Variants in ANK3 observed in about 807,000 individuals in gnomAD.
ANK3 encodes the protein ankyrin 3, also known as ankyrin-3.
In ANK3, 57 loss-of-function variants were observed where a neutral mutation model predicts 370.9. The ratio of observed to expected loss-of-function variants is 0.15; its 90% CI spans 0.12 to 0.19. ANK3 has a LOEUF of 0.19. ANK3 is among the 10% of genes least tolerant of loss of function. The pLI is 1.00. For missense variants in ANK3, 4,439 were observed against 5,302.1 expected (o/e 0.84, Z 5.06); for synonymous variants, 1,929 against 1,946.3 (o/e 0.99, Z 0.23).
chr10:60,623,330 T>A (rs1428363746), intron 1 of ANK3, among the ~76,000 whole-genome samples: 1 of 152,108 alleles, frequency 6.6e-6, no homozygotes, highest in Admixed American at 6.6e-5. Context: ...CAAAAAGGAA[T>A]CAAATAAATC....
At chr10:60,253,459 A>G (rs1015092666) in intron 7 of ANK3, among the ~76,000 whole-genome samples, 5 of 152,248 alleles carry the variant, frequency 3.3e-5, no homozygotes, top group African/African-American at 1.2e-4. Context: ...AAGTATATAA[A>G]TGGACATCAG....
At chr10:60,696,271 A>G (rs1589041812) in intron 1 of ANK3, among the ~76,000 whole-genome samples, 1 of 149,776 alleles carries the variant, frequency 6.7e-6, no homozygotes, top group Non-Finnish European at 1.5e-5. Context: ...TAGCTTACCA[A>G]CCAAAAAGAG....
chr10:60,115,623 A>G (rs377644916), intron 25 of ANK3, among the ~76,000 whole-genome samples: 2 of 152,308 alleles, frequency 1.3e-5, no homozygotes, highest in East Asian at 1.9e-4. Context: ...AGAATGCTAG[A>G]ATATACATAA....
Position 60,064,292 on chromosome 10 carries a change from T to C in ANK3, c.12320-4A>G. On this transcript the variant is annotated splice_region_variant and splice_polypyrimidine_tract_variant and intron_variant, in intron 38 of 43. Coordinates refer to ENST00000280772, the MANE Select transcript of ANK3 (RefSeq NM_020987.5). ...AAATTCAGTTCCCTTGCCAGTTCTG[T>C]AGAAAAGAAAGAGAGTTACTAAGAT... The C allele has an allele frequency of 2.6e-6, 4 of 1,561,896 alleles. No individual in the cohort carries two copies. The highest frequency in any genetic ancestry group is 3.4e-6 in the Non-Finnish European group (4 of 1,164,770).
At chr10:60,623,532 A>T (rs191311168) in intron 1 of ANK3, among the ~76,000 whole-genome samples, 47 of 152,298 alleles carry the variant, frequency 3.1e-4, no homozygotes, top group African/African-American at 1.1e-3. Context: ...GGGCCAAAAA[A>T]GAAAATATTT....
chr10:60,554,779 A>C (rs1480871347), intron 2 of ANK3, among the ~76,000 whole-genome samples: 1 of 152,182 alleles, frequency 6.6e-6, no homozygotes, highest in Non-Finnish European at 1.5e-5. Context: ...ATACATTACC[A>C]TGTATATTTG....
At chr10:60,444,042 G>T (rs1034111399) in intron 2 of ANK3, among the ~76,000 whole-genome samples, 1 of 151,964 alleles carries the variant, frequency 6.6e-6, no homozygotes, top group Non-Finnish European at 1.5e-5. Flanking sequence ...GGATGAAAAT[G>T]TCAGAATTTT....
intron 16 of ANK3, among the ~76,000 whole-genome samples, chr10:60,190,520 C>T (rs976060379): frequency 6.6e-6 from 1 of 152,196 alleles, no homozygotes; most frequent in African/African-American, 2.4e-5. Context: ...TATTTCTCAA[C>T]CTTTTTTTGC....
In ANK3 at chr10:60,668,504, TG is replaced by T. The variant is rs567758296; in HGVS notation, c.58-53281del. ...GTTTTCACATCATTGGCATCGGGGG[TG>T]GGCTTTTCTTGCTACCAGGTGCCAG... On this transcript the variant is annotated intron_variant, in intron 1 of 43. Transcript: ENST00000373827. Among the ~76,000 whole-genome samples, 10 of 146,804 alleles carry T rather than the reference TG, an allele frequency of 6.8e-5. No individual in the cohort carries two copies. The East Asian group carries it at 1.9e-3, about 28-fold the overall frequency.
At chr10:60,246,794 C>T (rs189113956) in intron 7 of ANK3, among the ~76,000 whole-genome samples, 6 of 152,160 alleles carry the variant, frequency 3.9e-5, no homozygotes, top group East Asian at 1.9e-4. Context: ...GGTCTTCCTT[C>T]GGTTCTCAAG....
At chr10:60,456,205 G>A (rs1343719257) in intron 2 of ANK3, among the ~76,000 whole-genome samples, 1 of 152,176 alleles carries the variant, frequency 6.6e-6, no homozygotes, top group African/African-American at 2.4e-5. Context: ...GAAGTAAAAT[G>A]CCTGTGAGAG....
chr10:60,365,197 C>G (rs1230816395), intron 1 of ANK3, among the ~76,000 whole-genome samples: 6 of 151,242 alleles, frequency 4.0e-5, no homozygotes, highest in Non-Finnish European at 7.4e-5. Context: ...GATCTTTTAG[C>G]CTTTTCTGTT....
intron 1 of ANK3, among the ~76,000 whole-genome samples, chr10:60,344,466 C>A (rs778768545): frequency 6.6e-6 from 1 of 152,128 alleles, no homozygotes; most frequent in Non-Finnish European, 1.5e-5. Context: ...ATACAGACAA[C>A]AGCTCTGTTT....
intron 2 of ANK3, among the ~76,000 whole-genome samples, chr10:60,548,427 T>G (rs897297601): frequency 6.6e-6 from 1 of 151,878 alleles, no homozygotes; most frequent in Non-Finnish European, 1.5e-5. Context: ...TTGTTTGTTT[T>G]TTAGTAGAGA....
chr10:60,569,122 T>G (rs1227483882), intron 2 of ANK3, among the ~76,000 whole-genome samples: 1 of 152,160 alleles, frequency 6.6e-6, no homozygotes, highest in Non-Finnish European at 1.5e-5. Context: ...ACTTCCTACA[T>G]TTTATTCTTG....
intron 1 of ANK3, among the ~76,000 whole-genome samples, chr10:60,688,816 C>T (rs1418283453): frequency 1.3e-5 from 2 of 152,044 alleles, no homozygotes; most frequent in Non-Finnish European, 2.9e-5. Context: ...GACATGGTGG[C>T]ATGCACCTGT....
At chr10:60,285,155 A>T (rs2098225453) in intron 1 of ANK3, among the ~76,000 whole-genome samples, 1 of 152,102 alleles carries the variant, frequency 6.6e-6, no homozygotes. Context: ...GTAAGTTTTT[A>T]AAAATATCTA....
intron 2 of ANK3, among the ~76,000 whole-genome samples, chr10:60,417,594 C>T (rs1284207627): frequency 6.6e-6 from 1 of 152,126 alleles, no homozygotes; most frequent in Non-Finnish European, 1.5e-5. Flanking sequence ...AGGTGATGTG[C>T]CACCTATGAA....
intron 1 of ANK3, among the ~76,000 whole-genome samples, chr10:60,629,612 A>T (rs538092563): frequency 1.8e-4 from 28 of 152,286 alleles, no homozygotes; most frequent in Middle Eastern, 3.4e-3. Flanking sequence ...CAAAGAGGTG[A>T]TGTCTAGAGA....
Sources: gnomAD v4.1 joint callset for allele counts (sites outside exome capture counted in the v4.1 genomes callset) on GRCh38, gnomAD v4.1.1 for gene constraint, MANE v1.5 for transcripts, NCBI Gene and HGNC (gene_info 2026-07-23, HGNC 2026-07-21) for gene names.